ELOVL2: variants seen among roughly 807,000 people sequenced by gnomAD.
ELOVL2 encodes the protein ELOVL fatty acid elongase 2.
A neutral mutation model predicts 37.7 loss-of-function variants in ELOVL2; 38 were observed. The observed-to-expected ratio is 1.01, with a 90% CI of 0.78 to 1.32. ELOVL2 has a LOEUF of 1.32. Ranked by LOEUF, ELOVL2 falls within the 40% of genes most tolerant of loss-of-function variation. The probability of loss-of-function intolerance (pLI) is 0.00; values close to 1 mark genes in which losing one functional copy is unlikely to be tolerated. For synonymous variants in ELOVL2, 115 were observed against 122.3 expected (o/e 0.94, Z 0.40); for missense variants, 352 against 363.6 (o/e 0.97, Z 0.26).
At chr6:11,012,581 T>A (rs1347816552) in intron 1 of ELOVL2, among the ~76,000 whole-genome samples, 1 of 152,228 alleles carries the variant, frequency 6.6e-6, no homozygotes, top group East Asian at 1.9e-4. Context: ...AAATCCATTT[T>A]CCAACATTTG....
At chr6:11,030,487 T>G (rs866739235) in intron 1 of ELOVL2, among the ~76,000 whole-genome samples, 15 of 152,098 alleles carry the variant, frequency 9.9e-5, no homozygotes, top group African/African-American at 2.9e-4. Context: ...CAAATCTTTT[T>G]TTTGTTTGTT....
At chr6:11,019,730 A>T (rs1782736839) in intron 1 of ELOVL2, among the ~76,000 whole-genome samples, 1 of 150,086 alleles carries the variant, frequency 6.7e-6, no homozygotes, top group African/African-American at 2.5e-5. Flanking sequence ...GTTTTAGTTT[A>T]GTTTTTGTTG....
chr6:11,033,569 A>G (rs1291825690), intron 1 of ELOVL2, among the ~76,000 whole-genome samples: 3 of 152,330 alleles, frequency 2.0e-5, no homozygotes, highest in East Asian at 3.9e-4. Context: ...GTTATGTTTC[A>G]AATCAATGAA....
rs1228789420 is a variant in ELOVL2 at position 10,983,687 on chromosome 6, G to A, written c.*94C>T. ...TGATTTATGAACTCAAAAGAAATTA[G>A]TTTATCCTAAAACATGTAACCTTCA... On this transcript the variant is annotated 3_prime_UTR_variant, in exon 8 of 8. Coordinates refer to ENST00000354666, the MANE Select transcript of ELOVL2 (RefSeq NM_017770.4). 12 of 1,350,792 alleles carry A rather than the reference G, an allele frequency of 8.9e-6. No homozygotes were observed. In the South Asian group the frequency reaches 1.7e-4, roughly 19 times the overall value. The allele number at this position is 1,350,792 out of a possible 1,614,324, so 83.7% of individuals were successfully genotyped here.
Position 10,989,760 on chromosome 6 carries a change from G to C in ELOVL2, c.708C>G (p.Ile236Met). The C allele has an allele frequency of 6.2e-7, 1 of 1,614,136 alleles. No individual in the cohort carries two copies. ...KPCGFPFGCL[I>M]FQSSYMLTLV... ...ACGTTAGCATATAAGATGACTGGAA[G>C]ATGAGACAACCGAAGGGGAAGCCAC... The change falls in exon 7 of 8, where the codon ATC (isoleucine) becomes ATG (methionine). Residue 236 changes from isoleucine (I) to methionine (M), a missense_variant. Coordinates refer to ENST00000354666, the MANE Select transcript of ELOVL2 (RefSeq NM_017770.4).
intron 1 of ELOVL2, among the ~76,000 whole-genome samples, chr6:11,012,053 A>G (rs1483873718): frequency 6.6e-6 from 1 of 152,182 alleles, no homozygotes; most frequent in East Asian, 1.9e-4. Context: ...GAAAAAGAGG[A>G]GCGGCATGTT....
chr6:11,017,849 A>G (rs564978899), intron 1 of ELOVL2, among the ~76,000 whole-genome samples: 1 of 152,338 alleles, frequency 6.6e-6, no homozygotes, highest in African/African-American at 2.4e-5. Context: ...GTTAGCCCCA[A>G]TTCCAAGAAC....
At chr6:11,023,703 G>GC (rs1782800903) in intron 1 of ELOVL2, among the ~76,000 whole-genome samples, 1 of 152,112 alleles carries the variant, frequency 6.6e-6, no homozygotes, top group African/African-American at 2.4e-5. Context: ...GTTTTGTTTG[G>GC]CAGGACATTA....
At chr6:11,006,294 C>G (rs1430522398) in intron 2 of ELOVL2, among the ~76,000 whole-genome samples, 1 of 152,296 alleles carries the variant, frequency 6.6e-6, no homozygotes, top group Non-Finnish European at 1.5e-5. Context: ...AGGCAAGCAG[C>G]TGAATACATC....
At chr6:11,042,910 A>G (rs528557989) in intron 1 of ELOVL2, among the ~76,000 whole-genome samples, 4 of 152,156 alleles carry the variant, frequency 2.6e-5, no homozygotes, top group South Asian at 2.1e-4. Context: ...AAATCTAGCA[A>G]GCAATGAACG....
intron 5 of ELOVL2, among the ~76,000 whole-genome samples, chr6:10,992,257 T>C (rs1188755613): frequency 1.3e-5 from 2 of 152,234 alleles, no homozygotes; most frequent in Non-Finnish European, 2.9e-5. Flanking sequence ...CAAATATCTC[T>C]GGGCACTTTT....
chr6:11,005,348 A>C, intron 3 of ELOVL2, 24 bp downstream of exon 3: 1 of 1,595,828 alleles, frequency 6.3e-7, no homozygotes. Flanking sequence ...ACTGGACTTC[A>C]GCTTTGGCTA....
At chr6:10,985,396 T>C (rs1400135845) in intron 7 of ELOVL2, among the ~76,000 whole-genome samples, 1 of 147,640 alleles carries the variant, frequency 6.8e-6, no homozygotes, top group Non-Finnish European at 1.5e-5. Context: ...TTGGCTTTTG[T>C]TGCCATTGCT....
intron 1 of ELOVL2, among the ~76,000 whole-genome samples, chr6:11,029,367 T>A (rs985990235): frequency 3.9e-5 from 6 of 152,092 alleles, no homozygotes; most frequent in Non-Finnish European, 7.4e-5. Flanking sequence ...TTTGAACATA[T>A]CTTCATTCTC....
At chr6:11,004,096 A>G (rs1782438291) in intron 3 of ELOVL2, among the ~76,000 whole-genome samples, 1 of 151,834 alleles carries the variant, frequency 6.6e-6, no homozygotes, top group Admixed American at 6.6e-5. Flanking sequence ...AAAAAAAAAA[A>G]GTTGTCAGCA....
Position 10,989,849 on chromosome 6 carries a change from A to T in ELOVL2, c.631-12T>A, listed in dbSNP as rs1436995343. 1 of 1,613,916 alleles carries T rather than the reference A, an allele frequency of 6.2e-7. No individual in the cohort carries two copies. The highest frequency in any genetic ancestry group is 8.5e-7 in the Non-Finnish European group (1 of 1,179,930). Reference sequence around the variant, plus strand: ...AGCACGAACTGCACCTGGGGACGGCAGAGAGGGCATCTCTGTGAGCGAGCC... The same window carrying T: ...AGCACGAACTGCACCTGGGGACGGCTGAGAGGGCATCTCTGTGAGCGAGCC... On this transcript the variant is annotated splice_polypyrimidine_tract_variant and intron_variant, in intron 6 of 7. Coordinates refer to ENST00000354666, the MANE Select transcript of ELOVL2 (RefSeq NM_017770.4).
intron 7 of ELOVL2, among the ~76,000 whole-genome samples, 197 bp from the exon 8 acceptor site, chr6:10,984,103 C>T (rs534884699): frequency 1.6e-4 from 24 of 152,224 alleles, no homozygotes; most frequent in Non-Finnish European, 2.2e-4. Context: ...CTGCGACCTC[C>T]GCCTCCCGGG....
At chr6:10,988,647 T>C (rs937075419) in intron 7 of ELOVL2, among the ~76,000 whole-genome samples, 1 of 152,244 alleles carries the variant, frequency 6.6e-6, no homozygotes, top group Non-Finnish European at 1.5e-5. Context: ...CTTATTAGTC[T>C]GAAAAAAATA....
At chr6:11,031,556 T>G (rs1782930095) in intron 1 of ELOVL2, among the ~76,000 whole-genome samples, 1 of 152,220 alleles carries the variant, frequency 6.6e-6, no homozygotes, top group Non-Finnish European at 1.5e-5. Flanking sequence ...GCTTGTCTTC[T>G]GTTTATTGAT....
Sources: allele counts gnomAD v4.1 joint callset (sites outside exome capture counted in the v4.1 genomes callset), GRCh38; gene constraint gnomAD v4.1.1; transcripts MANE v1.5; gene names NCBI Gene and HGNC (gene_info 2026-07-23, HGNC 2026-07-21).